Variants in LAMA2 observed in about 807,000 individuals in gnomAD.
LAMA2 encodes laminin subunit alpha-2.
A neutral mutation model predicts 364.8 loss-of-function variants in LAMA2; 269 were observed. The observed-to-expected ratio is 0.74, with a 90% CI of 0.67 to 0.82. LAMA2 has a LOEUF of 0.82. Among genes scored for constraint, LAMA2 ranks in the 40% least tolerant of loss-of-function variants. The pLI, the probability that LAMA2 is intolerant of heterozygous loss-of-function variation, is 0.00. For missense variants in LAMA2, 3,807 were observed against 3,873.2 expected, an observed-to-expected ratio of 0.98 and a Z score of 0.45; for synonymous variants, 1,379 against 1,370.6, an observed-to-expected ratio of 1.01 and a Z score of -0.14.
At chr6:129,203,023 A>G (rs1179485449) in intron 12 of LAMA2, among the ~76,000 whole-genome samples, 1 of 152,242 alleles carries the variant, frequency 6.6e-6, no homozygotes, top group African/African-American at 2.4e-5. Flanking sequence ...CACCATGGTT[A>G]AGGAATGGTT....
intron 3 of LAMA2, among the ~76,000 whole-genome samples, chr6:129,062,761 A>G (rs1789014663): frequency 6.6e-6 from 1 of 152,138 alleles, no homozygotes; most frequent in South Asian, 2.1e-4. Flanking sequence ...TTGACCATTT[A>G]TTAGTTCTTC....
chr6:129,427,991 A>G, intron 41 of LAMA2, 137 bp downstream of exon 41: 1 of 687,402 alleles, frequency 1.5e-6, no homozygotes, highest in Non-Finnish European at 2.6e-6. Flanking sequence ...AATGCAAGTA[A>G]ACTTTCTCAC....
chr6:128,922,654 C>A (rs144593642), intron 1 of LAMA2, among the ~76,000 whole-genome samples: 1,611 of 151,408 alleles, frequency 0.011, 14 homozygotes, highest in Admixed American at 0.017. Context: ...CCCATTTTGT[C>A]GGTTGCCTGT....
At chr6:129,120,971 C>T (rs1776772768) in intron 4 of LAMA2, among the ~76,000 whole-genome samples, 1 of 152,136 alleles carries the variant, frequency 6.6e-6, no homozygotes, top group African/African-American at 2.4e-5. Flanking sequence ...TCAGTATGCC[C>T]CTTCAGCTGG....
At chr6:129,413,224 G>A (rs1299212720) in intron 40 of LAMA2, among the ~76,000 whole-genome samples, 1 of 152,014 alleles carries the variant, frequency 6.6e-6, no homozygotes, top group Non-Finnish European at 1.5e-5. Context: ...AAGTGATCAT[G>A]ATAGAATAAA....
chr6:129,036,731 T>C (rs1274025797), intron 1 of LAMA2, among the ~76,000 whole-genome samples: 1 of 152,144 alleles, frequency 6.6e-6, no homozygotes, highest in Non-Finnish European at 1.5e-5. Context: ...ATCTAACTAA[T>C]GGTACAAGAC....
chr6:129,129,691 G>A (rs1313674796), intron 4 of LAMA2, among the ~76,000 whole-genome samples: 5 of 152,018 alleles, frequency 3.3e-5, no homozygotes, highest in Admixed American at 3.3e-4. Flanking sequence ...TTGGGAGGCC[G>A]AGGCGGGCGG....
intron 1 of LAMA2, among the ~76,000 whole-genome samples, chr6:128,990,013 T>G (rs554972694): frequency 6.6e-6 from 1 of 152,280 alleles, no homozygotes; most frequent in South Asian, 2.1e-4. Context: ...AACATATGAA[T>G]TTTAGGGGGA....
In LAMA2 at chr6:129,402,483, G is replaced by T; in HGVS notation, c.5722G>T (p.Asp1908Tyr). Residue 1908 changes from aspartate to tyrosine, a missense_variant, in exon 39 of 65, where the codon GAT becomes TAT. By Grantham distance (160) the Asp-to-Tyr change is radical. Around this residue, in one of 3 missense-constraint regions of LAMA2, gnomAD observed 3,333 missense variants for 3,345.7 expected, o/e 1.00. Coordinates refer to ENST00000421865, the MANE Select transcript of LAMA2 (RefSeq NM_000426.4). The stretch of plus-strand genomic sequence containing the variant: ...GTTGAATGACTCATCTGCTGTCCTT[G>T]ATGGGTATGTCATTTGTTTTTGGAA... The part of the protein sequence containing the change: ...AQLNDSSAVL[D>Y]GILDEAKNIS... The T allele has an allele frequency of 6.2e-7, 1 of 1,614,054 alleles. No homozygotes were observed. The highest frequency in any genetic ancestry group is 1.3e-5 in the African/African-American group (1 of 75,040).
intron 1 of LAMA2, among the ~76,000 whole-genome samples, chr6:128,943,573 G>A (rs529731714): frequency 4.6e-5 from 7 of 151,988 alleles, no homozygotes; most frequent in African/African-American, 1.7e-4. Flanking sequence ...AATTATAGGC[G>A]TAAGCCACCT....
At chr6:128,948,120 C>T (rs113783680) in intron 1 of LAMA2, among the ~76,000 whole-genome samples, 165 of 151,982 alleles carry the variant, frequency 1.1e-3, no homozygotes, top group African/African-American at 3.7e-3. Flanking sequence ...GGTCATTAGC[C>T]GAAATTGACA....
At chr6:128,887,687 AACGG>A (rs920558671) in intron 1 of LAMA2, among the ~76,000 whole-genome samples, 1 of 151,916 alleles carries the variant, frequency 6.6e-6, no homozygotes, top group African/African-American at 2.4e-5. Context: ...TGACCAACAT[AACGG>A]AAACCGTGTC....
intron 9 of LAMA2, among the ~76,000 whole-genome samples, chr6:129,166,420 T>C (rs1290967276): frequency 2.6e-5 from 4 of 152,194 alleles, no homozygotes; most frequent in Admixed American, 6.5e-5. Context: ...TTTTCCCTAA[T>C]GACTTTAGCG....
At chr6:129,221,506 G>C (rs577358499) in intron 12 of LAMA2, among the ~76,000 whole-genome samples, 8 of 151,466 alleles carry the variant, frequency 5.3e-5, no homozygotes, top group Non-Finnish European at 8.8e-5. Context: ...CAATATTGAT[G>C]AGCAAATCAA....
At chr6:129,313,596 T>C (rs1317928629) in intron 23 of LAMA2, among the ~76,000 whole-genome samples, 3 of 152,236 alleles carry the variant, frequency 2.0e-5, no homozygotes, top group East Asian at 1.9e-4. Flanking sequence ...ACAGTGACTA[T>C]GTGCAAATTT....
At chr6:129,247,174 G>A (rs1785808140) in intron 12 of LAMA2, among the ~76,000 whole-genome samples, 1 of 152,196 alleles carries the variant, frequency 6.6e-6, no homozygotes, top group African/African-American at 2.4e-5. Context: ...AAGAGCCTGA[G>A]CGTGGTGGCT....
intron 3 of LAMA2, among the ~76,000 whole-genome samples, chr6:129,070,520 G>T (rs1022416024): frequency 6.6e-5 from 10 of 151,784 alleles, no homozygotes; most frequent in Non-Finnish European, 1.5e-5. Context: ...TGTCACTTGT[G>T]CATTGAAACT....
chr6:129,444,169 C>T (rs1204755650), intron 44 of LAMA2, among the ~76,000 whole-genome samples: 4 of 152,032 alleles, frequency 2.6e-5, no homozygotes, highest in Admixed American at 1.3e-4. Context: ...TCAACTGCTC[C>T]GGAGAATAGA....
intron 2 of LAMA2, among the ~76,000 whole-genome samples, chr6:129,051,682 CTATATCTATA>C (rs1788041532): frequency 1.0e-4 from 4 of 38,240 alleles, no homozygotes; most frequent in African/African-American, 6.2e-4. Context: ...CTATAGATAT[CTATATCTATA>C]GATCGATCTA....
Sources: gnomAD v4.1 joint callset for allele counts (sites outside exome capture counted in the v4.1 genomes callset) on GRCh38, gnomAD v4.1.1 for gene constraint, gnomAD v4.1.1 regional missense constraint, MANE v1.5 for transcripts, NCBI Gene and HGNC (gene_info 2026-07-23, HGNC 2026-07-21) for gene names.